PTGS2: variants seen among roughly 807,000 people sequenced by gnomAD.
PTGS2 encodes prostaglandin-endoperoxide synthase 2, also known as prostaglandin G/H synthase 2.
In PTGS2, 14 loss-of-function variants were observed where a neutral mutation model predicts 63.8. That is an observed-to-expected ratio of 0.22 (90% confidence interval 0.14 to 0.34). The LOEUF is 0.34. Among genes scored for constraint, PTGS2 ranks in the 10% least tolerant of loss-of-function variants. The probability of loss-of-function intolerance (pLI) is 1.00; values close to 1 mark genes in which losing one functional copy is unlikely to be tolerated. For synonymous variants in PTGS2, 271 were observed against 259.5 expected, an observed-to-expected ratio of 1.04 and a Z score of -0.43; for missense variants, 533 against 738.5, an observed-to-expected ratio of 0.72 and a Z score of 3.23.
At position 186,674,246 on chromosome 1, in the gene PTGS2, T is replaced by A. The variant is rs202188713; in HGVS notation, c.*107A>T. 2.2e-5 allele frequency: 16 copies of A among 726,420 alleles called. No homozygotes were observed. The highest frequency in any genetic ancestry group is 2.8e-5 in the Non-Finnish European group (15 of 529,254). 45.0% of individuals were successfully genotyped at this position (726,420 alleles called of 1,614,324 possible). ...TCTCCGCAACAGGAGTACTGACTTC[T>A]GTTACAGAAGATGTTAAGTAACATA... On this transcript the variant is annotated 3_prime_UTR_variant, in exon 10 of 10. Transcript: ENST00000367468.
rs5273 is a variant in PTGS2, at chr1:186,674,636, A to C, written c.1532T>G (p.Val511Gly). 1 of 1,614,206 alleles carries C rather than the reference A, an allele frequency of 6.2e-7. No homozygotes were observed. The highest frequency in any genetic ancestry group is 1.7e-5 in the Admixed American group (1 of 60,030). Reference sequence around the variant, plus strand: ...TCCTTTCAAGGAGAATGGTGCTCCAACTTCTACCATGGTTTCACCAAAGAT... The same window carrying C: ...TCCTTTCAAGGAGAATGGTGCTCCACCTTCTACCATGGTTTCACCAAAGAT... ...DAIFGETMVE[V>G]GAPFSLKGLM... Residue 511 changes from valine (V) to glycine (G), a missense_variant, in exon 10 of 10, where the codon GTT (valine) becomes GGT (glycine). Physicochemically the swap from Val to Gly is moderately radical, Grantham distance 109 (BLOSUM62 -3). This residue lies in a region of PTGS2 where 219 missense variants were observed against 267.4 expected (regional missense o/e 0.82). Coordinates refer to ENST00000367468, the MANE Select transcript of PTGS2 (RefSeq NM_000963.4).
Position 186,674,659 on chromosome 1 carries a change from G to T in PTGS2, c.1509C>A (p.Ile503=). ...LLVEKPRPDA[I]FGETMVEVGA... ...CAACTTCTACCATGGTTTCACCAAA[G>T]ATGGCATCTGGCCGAGGCTTTTCTA... is the stretch of plus-strand genomic sequence containing the variant. The change falls in exon 10 of 10, where the codon ATC becomes ATA. Residue 503 remains isoleucine (I), a synonymous_variant. Coordinates refer to ENST00000367468, the MANE Select transcript of PTGS2 (RefSeq NM_000963.4). 1.2e-6 allele frequency: 2 copies of T among 1,614,228 alleles called. No homozygotes were observed. The highest frequency in any genetic ancestry group is 1.7e-6 in the Non-Finnish European group (2 of 1,180,038).
intron 1 of PTGS2, 113 bp from the exon 2 acceptor site, chr1:186,679,551 G>T (rs1665840044): frequency 2.5e-6 from 2 of 792,208 alleles, no homozygotes; most frequent in Non-Finnish European, 4.0e-6. Flanking sequence ...GAAATATATA[G>T]GTAGTCATGG....
chr1:186,676,966 A>G, intron 5 of PTGS2, 50 bp from the exon 6 acceptor site: 3 of 1,342,686 alleles, frequency 2.2e-6, no homozygotes, highest in African/African-American at 1.5e-5. Context: ...AGTTTTTCTT[A>G]TATAAAGTGT....
At chr1:186,679,547 T>A (rs544907311) in intron 1 of PTGS2, 109 bp from the exon 2 acceptor site, 2 of 820,678 alleles carry the variant, frequency 2.4e-6, no homozygotes, top group South Asian at 3.4e-5. Context: ...TCAAGAAATA[T>A]ATAGGTAGTC....
chr1:186,675,614 A>G (rs1665766415), intron 8 of PTGS2: 1 of 636,930 alleles, frequency 1.6e-6, no homozygotes, highest in African/African-American at 1.8e-5. Context: ...TTTCAAAAAT[A>G]ACACTAGTAT....
intron 3 of PTGS2, 54 bp downstream of exon 3, chr1:186,679,004 A>C (rs943056295): frequency 1.9e-5 from 30 of 1,555,588 alleles, no homozygotes; most frequent in Admixed American, 1.9e-5. Flanking sequence ...CAGTATTATA[A>C]AGCATATTTT....
At chr1:186,674,848 C>A in intron 9 of PTGS2, 86 bp from the exon 10 acceptor site, 1 of 1,426,232 alleles carries the variant, frequency 7.0e-7, no homozygotes, top group Non-Finnish European at 9.4e-7. Context: ...CAATTTGCTG[C>A]CAACTTCTCT....
intron 7 of PTGS2, 29 bp downstream of exon 7, chr1:186,676,438 G>A: frequency 6.2e-7 from 1 of 1,604,020 alleles, no homozygotes; most frequent in Non-Finnish European, 8.5e-7. Flanking sequence ...TGGGGAAGAG[G>A]GTTTTATATA....
At position 186,675,412 on chromosome 1, in the gene PTGS2, T is replaced by C; in HGVS notation, c.1258-16A>G. 6.2e-7 allele frequency: 1 copy of C among 1,606,560 alleles called. No homozygotes were observed. The highest frequency in any genetic ancestry group is 2.2e-5 in the East Asian group (1 of 44,852). ...CACCAGCAACCTGTGGAAAGTAAAA[T>C]TAGTTGTAAAACAAGAATTTTAGGC... On this transcript the variant is annotated splice_polypyrimidine_tract_variant and intron_variant, in intron 8 of 9. Coordinates refer to ENST00000367468, the MANE Select transcript of PTGS2 (RefSeq NM_000963.4).
At chr1:186,677,938 G>GATCCTATTCAC in intron 4 of PTGS2, 108 bp from the exon 5 acceptor site, 1 of 1,064,584 alleles carries the variant, frequency 9.4e-7, no homozygotes, top group Non-Finnish European at 1.3e-6. Flanking sequence ...TTACAATTGT[G>GATCCTATTCAC]AATAGGATCA....
Position 186,676,684 on chromosome 1 carries a change from T to A in PTGS2, c.753A>T (p.Thr251=), listed in dbSNP as rs781201501. 6.2e-7 allele frequency: 1 copy of A among 1,613,726 alleles called. No homozygotes were observed. Among genetic ancestry groups the A allele is most frequent in the Non-Finnish European group, 8.5e-7 (1 of 1,179,694 alleles). Residue 251 remains threonine, a synonymous_variant, in exon 7 of 10, where the codon ACA becomes ACT. Transcript: ENST00000367468. ...QIIDGEMYPP[T]VKDTQAEMIY... ...TCATCTCTGCCTGAGTATCTTTGAC[T>A]GTGGGAGGATACATCTCTCCATCAA...
Position 186,674,194 on chromosome 1 carries a change from TA to T in PTGS2, c.*158del. 1 of 395,130 alleles carries T rather than the reference TA, an allele frequency of 2.5e-6. No individual in the cohort carries two copies. Among genetic ancestry groups the T allele is most frequent in the Non-Finnish European group, 4.1e-6 (1 of 242,774 alleles). 24.5% of individuals were successfully genotyped at this position (395,130 alleles called of 1,614,324 possible). A position where few individuals can be genotyped will look rare whatever the true frequency, so the allele number is the denominator to read the frequency against. On this transcript the variant is annotated 3_prime_UTR_variant, in exon 10 of 10. Transcript: ENST00000367468. Reference sequence around the variant, plus strand: ...CAGCAAAATCTTTAGAGTAGTGACATAAAAGTCTTCACAAGTATGACTCCTT... The same window carrying T: ...CAGCAAAATCTTTAGAGTAGTGACATAAAGTCTTCACAAGTATGACTCCTT...
chr1:186,675,413 T>G lies in PTGS2; in HGVS notation c.1258-17A>C, dbSNP rs1471319464. On this transcript the variant is annotated splice_polypyrimidine_tract_variant and intron_variant, in intron 8 of 9. Coordinates refer to ENST00000367468, the MANE Select transcript of PTGS2 (RefSeq NM_000963.4). ...ACCAGCAACCTGTGGAAAGTAAAAT[T>G]AGTTGTAAAACAAGAATTTTAGGCA... 6.2e-7 allele frequency: 1 copy of G among 1,606,516 alleles called. No individual in the cohort carries two copies. Among genetic ancestry groups the G allele is most frequent in the South Asian group, 1.1e-5 (1 of 89,310 alleles).
rs955925086 is a variant in PTGS2, at chr1:186,676,248, G to A, written c.971-64C>T. 15 of 1,470,222 alleles carry A rather than the reference G, an allele frequency of 1.0e-5. No homozygotes were observed. In the East Asian group the frequency reaches 3.0e-4, roughly 29 times the overall value. 91.1% of individuals were successfully genotyped at this position (1,470,222 alleles called of 1,614,324 possible). On this transcript the variant is annotated intron_variant, in intron 7 of 9. Transcript: ENST00000367468. ...TCTGATCACAAGCTTTCAAGCAACT[G>A]GAATGCAATTTTTAAAATTTGCTAT...
At position 186,674,648 on chromosome 1, in the gene PTGS2, G is replaced by C; in HGVS notation, c.1520C>G (p.Thr507Ser). Residue 507 changes from threonine to serine, a missense_variant, in exon 10 of 10, where the codon ACC becomes AGC. Around this residue, in one of 5 missense-constraint regions of PTGS2, gnomAD observed 219 missense variants for 267.4 expected, o/e 0.82. Transcript: ENST00000367468. ...GAATGGTGCTCCAACTTCTACCATG[G>C]TTTCACCAAAGATGGCATCTGGCCG... is the stretch of plus-strand genomic sequence containing the variant. Reference protein sequence around the residue: ...KPRPDAIFGETMVEVGAPFSL... With the variant: ...KPRPDAIFGESMVEVGAPFSL... 1 of 1,614,190 alleles carries C rather than the reference G, an allele frequency of 6.2e-7. No homozygotes were observed. Among genetic ancestry groups the C allele is most frequent in the Non-Finnish European group, 8.5e-7 (1 of 1,180,022 alleles).
chr1:186,676,758 G>C (rs1470981597), intron 6 of PTGS2, 45 bp from the exon 7 acceptor site: 1 of 1,597,346 alleles, frequency 6.3e-7, no homozygotes, highest in South Asian at 1.1e-5. Context: ...AAAAGTTAAG[G>C]AACACATTTT....
At position 186,676,143 on chromosome 1, in the gene PTGS2, A is replaced by G. The variant is rs199709318; in HGVS notation, c.1012T>C (p.Leu338=). 1.9e-6 allele frequency: 3 copies of G among 1,613,850 alleles called. No individual in the cohort carries two copies. The highest frequency in any genetic ancestry group is 2.5e-6 in the Non-Finnish European group (3 of 1,179,726). The change falls in exon 8 of 10, where the codon TTG becomes CTG. Residue 338 remains leucine (L), a synonymous_variant. Coordinates refer to ENST00000367468, the MANE Select transcript of PTGS2 (RefSeq NM_000963.4). ...KIVIEDYVQH[L]SGYHFKLKFD... is the part of the protein sequence containing the mutation. Reference sequence around the variant, plus strand: ...TTCAGTTTGAAGTGATAGCCACTCAAGTGTTGCACATAATCTTCAATCACA... The same window carrying G: ...TTCAGTTTGAAGTGATAGCCACTCAGGTGTTGCACATAATCTTCAATCACA...
rs201415472 is a variant in PTGS2 at position 186,672,300 on chromosome 1, T to G, written c.*2053A>C. 6.6e-6 allele frequency: 1 copy of G among 152,088 alleles called. No homozygotes were observed. The highest frequency in any genetic ancestry group is 1.5e-5 in the Non-Finnish European group (1 of 67,966). 9.4% of individuals were successfully genotyped at this position (152,088 alleles called of 1,614,324 possible). A position where few individuals can be genotyped will look rare whatever the true frequency, so the allele number is the denominator to read the frequency against. ...AGATCCCTCAAAACATTTTAAAAGGTCAGTCTTATGGCACATTCAGGCTAA... is the reference window on the plus strand; with the variant it reads ...AGATCCCTCAAAACATTTTAAAAGGGCAGTCTTATGGCACATTCAGGCTAA... On this transcript the variant is annotated 3_prime_UTR_variant, in exon 10 of 10. Transcript: ENST00000367468.
Sources: allele counts gnomAD v4.1 joint callset, GRCh38; gene constraint gnomAD v4.1.1; regional missense constraint gnomAD v4.1.1; transcripts MANE v1.5; gene names NCBI Gene and HGNC (gene_info 2026-07-23, HGNC 2026-07-21).